The following CAPN5 variants were observed in gnomAD, a reference collection of about 807,000 sequenced individuals.
CAPN5 encodes calpain-5.
In CAPN5, 54 loss-of-function variants were observed where a neutral mutation model predicts 73.0. The observed-to-expected ratio is 0.74, with a 90% CI of 0.59 to 0.93. The LOEUF is 0.93. Ranked by LOEUF, CAPN5 falls within the 40% of genes least tolerant of loss-of-function variation. The pLI, the probability that CAPN5 is intolerant of heterozygous loss-of-function variation, is 0.00. For missense variants in CAPN5, 785 were observed against 882.9 expected (o/e 0.89, Z 1.41); for synonymous variants, 335 against 356.9 (o/e 0.94, Z 0.69).
At chr11:77,099,520 G>A (rs1555038326) in intron 3 of CAPN5, among the ~76,000 whole-genome samples, 1 of 151,238 alleles carries the variant, frequency 6.6e-6, no homozygotes, top group African/African-American at 2.4e-5. Context: ...TCGCGGTTAG[G>A]GGCTGGAGAC....
chr11:77,119,103 G>T lies in CAPN5; in HGVS notation c.1241G>T (p.Arg414Leu), dbSNP rs368150644. 5 of 1,613,830 alleles carry T rather than the reference G, an allele frequency of 3.1e-6. No homozygotes were observed. In the South Asian group the frequency reaches 4.4e-5, roughly 14 times the overall value. ...CAGCAGCGGCCAAAGCGGTCTACGC[G>T]CCGGGAGGGCAAGGGTGAGAACCTG... ...CIQQRPKRST[R>L]REGKGENLAI... Residue 414 changes from arginine to leucine, a missense_variant, in exon 9 of 13, where the codon CGC (arginine) becomes CTC (leucine). Coordinates refer to ENST00000648180, the MANE Select transcript of CAPN5 (RefSeq NM_004055.5).
At chr11:77,122,763 C>T (rs1591152181) in intron 12 of CAPN5, 51 bp downstream of exon 12, 1 of 1,605,988 alleles carries the variant, frequency 6.2e-7, no homozygotes, top group Non-Finnish European at 8.5e-7. Context: ...CCTGAGGCTT[C>T]CCCACTCAGG....
intron 1 of CAPN5, among the ~76,000 whole-genome samples, chr11:77,075,172 A>C (rs1949955959): frequency 6.6e-6 from 1 of 152,092 alleles, no homozygotes; most frequent in Admixed American, 6.5e-5. Context: ...GATCCTCTGC[A>C]GCCTCATCCA....
chr11:77,110,448 C>T (rs1950400370), intron 3 of CAPN5, among the ~76,000 whole-genome samples: 1 of 152,022 alleles, frequency 6.6e-6, no homozygotes, highest in East Asian at 1.9e-4. Flanking sequence ...ACAGAGTTGA[C>T]AGAAAAGTGG....
At position 77,123,913 on chromosome 11, in the gene CAPN5, T is replaced by C. The variant is rs782255570; in HGVS notation, c.*43T>C. ...GGCTCTGACCGTTCCCACCACCATC[T>C]GCATGTCCCCACTGGGCCTGAGTCT... is the stretch of plus-strand genomic sequence containing the variant. On this transcript the variant is annotated 3_prime_UTR_variant, in exon 13 of 13. Coordinates refer to ENST00000648180, the MANE Select transcript of CAPN5 (RefSeq NM_004055.5). 2 of 1,581,266 alleles carry C rather than the reference T, an allele frequency of 1.3e-6. No individual in the cohort carries two copies. The highest frequency in any genetic ancestry group is 1.3e-5 in the African/African-American group (1 of 74,564).
chr11:77,071,702 C>T, intron 1 of CAPN5: 1 of 435,584 alleles, frequency 2.3e-6, no homozygotes, highest in Non-Finnish European at 4.8e-6. Context: ...CAGGATGTTG[C>T]CCAGCCTGAC....
chr11:77,089,218 G>A (rs1393065181), intron 2 of CAPN5, among the ~76,000 whole-genome samples: 1 of 152,178 alleles, frequency 6.6e-6, no homozygotes, highest in Non-Finnish European at 1.5e-5. Context: ...CCTGGCACCC[G>A]AGGACCATTT....
At chr11:77,118,990 T>G in intron 8 of CAPN5, 40 bp from the exon 9 acceptor site, 1 of 1,582,698 alleles carries the variant, frequency 6.3e-7, no homozygotes, top group Non-Finnish European at 8.6e-7. Flanking sequence ...TGGTGTGGTC[T>G]CATTGCAGTG....
chr11:77,114,112 G>T (rs374228288), intron 4 of CAPN5, 130 bp from the exon 5 acceptor site: 35 of 737,226 alleles, frequency 4.7e-5, no homozygotes, highest in Non-Finnish European at 6.9e-5. Flanking sequence ...TGTTGGCTCC[G>T]CCGTGGCCTG....
chr11:77,091,390 CG>C (rs1950147596), intron 2 of CAPN5, among the ~76,000 whole-genome samples: 16 of 152,344 alleles, frequency 1.1e-4, no homozygotes, highest in African/African-American at 3.4e-4. Flanking sequence ...AGCTCAGGAG[CG>C]CCTGCTGGAG....
chr11:77,122,775 G>C lies in CAPN5; in HGVS notation c.1740+63G>C, dbSNP rs1483901837. On this transcript the variant is annotated intron_variant, in intron 12 of 12. Transcript: ENST00000648180. ...TAGCCTGAGGCTTCCCCACTCAGGG[G>C]GACAAGCCCAGGTGGAAGACCCTCT... is the stretch of plus-strand genomic sequence containing the variant. 1.9e-6 allele frequency: 3 copies of C among 1,600,612 alleles called. No homozygotes were observed. The African/African-American group carries it at 4.0e-5, about 21-fold the overall frequency.
chr11:77,100,592 T>C (rs1950274139), intron 3 of CAPN5, among the ~76,000 whole-genome samples: 1 of 152,000 alleles, frequency 6.6e-6, no homozygotes, highest in South Asian at 2.1e-4. Flanking sequence ...GATCCAGAAA[T>C]AGGGGATCCT....
chr11:77,080,786 AG>A (rs1950019671), intron 1 of CAPN5, among the ~76,000 whole-genome samples: 1 of 152,204 alleles, frequency 6.6e-6, no homozygotes, highest in South Asian at 2.1e-4. Context: ...GGAACCCAGT[AG>A]GGCTCAGAGG....
intron 3 of CAPN5, among the ~76,000 whole-genome samples, chr11:77,108,331 G>T (rs182363719): frequency 2.0e-5 from 3 of 152,174 alleles, no homozygotes; most frequent in African/African-American, 4.8e-5. Context: ...TGTTGGGGGG[G>T]TGCTCAGCAG....
At chr11:77,096,065 T>C (rs1392015633) in intron 3 of CAPN5, among the ~76,000 whole-genome samples, 4 of 152,200 alleles carry the variant, frequency 2.6e-5, no homozygotes, top group Admixed American at 6.5e-5. Context: ...CCCTGTTGAC[T>C]GGGCTCTGTT....
At chr11:77,101,673 C>T (rs116773864) in intron 3 of CAPN5, among the ~76,000 whole-genome samples, 1 of 152,176 alleles carries the variant, frequency 6.6e-6, no homozygotes, top group Non-Finnish European at 1.5e-5. Context: ...GATTGTTTTC[C>T]GTTGTGATAC....
At chr11:77,112,476 A>C in intron 3 of CAPN5, 113 bp from the exon 4 acceptor site, 1 of 805,122 alleles carries the variant, frequency 1.2e-6, no homozygotes, top group Non-Finnish European at 2.1e-6. Context: ...TGGAATCCGA[A>C]CCCAGTATTC....
At chr11:77,089,190 G>A (rs1044787533) in intron 2 of CAPN5, among the ~76,000 whole-genome samples, 3 of 152,194 alleles carry the variant, frequency 2.0e-5, no homozygotes, top group African/African-American at 7.2e-5. Flanking sequence ...ACAGGTGGCT[G>A]GCACCAGATA....
chr11:77,125,501 C>T lies in CAPN5; in HGVS notation c.*1631C>T, dbSNP rs2135495653. ...CTTAAACCTCCTGTGCCTCGATTTC[C>T]CCCTTCTACAAAGTGGGGCCAATGA... On this transcript the variant is annotated 3_prime_UTR_variant, in exon 13 of 13. Coordinates refer to ENST00000648180, the MANE Select transcript of CAPN5 (RefSeq NM_004055.5). 1 of 152,314 alleles carries T rather than the reference C, an allele frequency of 6.6e-6. No individual in the cohort carries two copies. The highest frequency in any genetic ancestry group is 1.5e-5 in the Non-Finnish European group (1 of 68,014). The allele number at this position is 152,314 out of a possible 1,614,324, so 9.4% of individuals were successfully genotyped here. A position where few individuals can be genotyped will look rare whatever the true frequency, so the allele number is the denominator to read the frequency against.
Sources: gnomAD v4.1 joint callset for allele counts (sites outside exome capture counted in the v4.1 genomes callset) on GRCh38, gnomAD v4.1.1 for gene constraint, MANE v1.5 for transcripts, NCBI Gene and HGNC (gene_info 2026-07-23, HGNC 2026-07-21) for gene names.